Variants in ERBB4 observed in about 807,000 individuals in gnomAD.
The protein encoded by ERBB4 is erb-b2 receptor tyrosine kinase 4.
Under a neutral mutation model 158.0 loss-of-function variants are expected in ERBB4, and 42 were observed. The observed-to-expected ratio is 0.27, with a 90% confidence interval of 0.21 to 0.34. The LOEUF is 0.34. ERBB4 is among the 10% of genes least tolerant of loss of function. The pLI, the probability that ERBB4 is intolerant of heterozygous loss-of-function variation, is 1.00. For synonymous variants in ERBB4, 583 were observed against 558.7 expected, an observed-to-expected ratio of 1.04 and a Z score of -0.61; for missense variants, 1,333 against 1,624.1, an observed-to-expected ratio of 0.82 and a Z score of 3.08.
intron 2 of ERBB4, among the ~76,000 whole-genome samples, chr2:212,029,598 A>T (rs1240285728): frequency 1.3e-5 from 2 of 152,188 alleles, no homozygotes; most frequent in Non-Finnish European, 2.9e-5. Context: ...TAAGTTCTGA[A>T]TATTCATGAC....
chr2:211,815,207 G>GT (rs1217166383), intron 3 of ERBB4, among the ~76,000 whole-genome samples: 3 of 152,108 alleles, frequency 2.0e-5, no homozygotes, highest in Non-Finnish European at 4.4e-5. Context: ...AACTCATAGG[G>GT]TTATTATGAC....
chr2:212,193,038 A>G lies in ERBB4; in HGVS notation c.83-68135T>C, dbSNP rs1474506335. On this transcript the variant is annotated intron_variant, in intron 1 of 27. Transcript: ENST00000342788. Reference sequence around the variant, plus strand: ...AAAATTACAATTAACGGCAGGAAAAATGTTGGAAATCTATTTTACCATGTA... The same window carrying G: ...AAAATTACAATTAACGGCAGGAAAAGTGTTGGAAATCTATTTTACCATGTA... Among the ~76,000 whole-genome samples, 5 of 152,164 alleles carry G rather than the reference A, an allele frequency of 3.3e-5. No homozygotes were observed. The East Asian group carries it at 9.6e-4, about 29-fold the overall frequency.
chr2:211,737,759 C>T (rs1231965704), intron 5 of ERBB4, among the ~76,000 whole-genome samples: 3 of 151,986 alleles, frequency 2.0e-5, no homozygotes, highest in Admixed American at 6.6e-5. Context: ...TAAATATTGG[C>T]TCTTGGTATT....
chr2:211,987,340 A>AAAAAAAG (rs1297515921), intron 2 of ERBB4, among the ~76,000 whole-genome samples: 3 of 145,328 alleles, frequency 2.1e-5, no homozygotes, highest in Non-Finnish European at 4.5e-5. Flanking sequence ...CAAAAAAAAA[A>AAAAAAAG]AAAAGAAAGA....
At position 211,800,892 on chromosome 2, in the gene ERBB4, G is replaced by A. The variant is rs533629277; in HGVS notation, c.422-12733C>T. ...AGAAAGCCAATTTTATTATTGTCAA[G>A]TACTGTGGGAACTCTATGCTTAGTG... On this transcript the variant is annotated intron_variant, in intron 3 of 27. Coordinates refer to ENST00000342788, the MANE Select transcript of ERBB4 (RefSeq NM_005235.3). 3.9e-5 allele frequency among the ~76,000 whole-genome samples: 6 copies of A among 152,244 alleles called. No individual in the cohort carries two copies. The East Asian group carries it at 9.7e-4, about 25-fold the overall frequency.
At chr2:211,976,678 C>T (rs185863251) in intron 2 of ERBB4, among the ~76,000 whole-genome samples, 89 of 151,836 alleles carry the variant, frequency 5.9e-4, no homozygotes, top group Admixed American at 4.9e-3. Flanking sequence ...ATTTATTTTT[C>T]ATCTTGTCAA....
At chr2:212,338,202 G>C (rs1207171023) in intron 1 of ERBB4, among the ~76,000 whole-genome samples, 1 of 152,054 alleles carries the variant, frequency 6.6e-6, no homozygotes, top group African/African-American at 2.4e-5. Flanking sequence ...TGTCACTGCT[G>C]TGCTTTACTA....
At chr2:211,610,009 C>A (rs922346811) in intron 19 of ERBB4, among the ~76,000 whole-genome samples, 8 of 152,016 alleles carry the variant, frequency 5.3e-5, no homozygotes, top group African/African-American at 1.9e-4. Context: ...TCTAAGCTAT[C>A]CTTGTAAAGT....
intron 20 of ERBB4, among the ~76,000 whole-genome samples, chr2:211,518,077 C>T (rs1385164284): frequency 6.6e-6 from 1 of 151,742 alleles, no homozygotes; most frequent in Non-Finnish European, 1.5e-5. Context: ...TCATATTCCT[C>T]ATATTTATGT....
chr2:211,482,859 C>A (rs563143597), intron 20 of ERBB4, among the ~76,000 whole-genome samples: 8 of 152,100 alleles, frequency 5.3e-5, no homozygotes, highest in African/African-American at 1.9e-4. Context: ...GAGCCAAGAT[C>A]GCACTATTGC....
intron 1 of ERBB4, among the ~76,000 whole-genome samples, chr2:212,284,320 T>G (rs1453211827): frequency 1.3e-5 from 2 of 152,140 alleles, no homozygotes; most frequent in Non-Finnish European, 2.9e-5. Flanking sequence ...AGCCTGCCTC[T>G]GAACTCTGTC....
At chr2:211,613,696 C>A (rs927398429) in intron 19 of ERBB4, among the ~76,000 whole-genome samples, 4 of 152,064 alleles carry the variant, frequency 2.6e-5, no homozygotes, top group Admixed American at 6.6e-5. Context: ...CAGAGAGCTG[C>A]AAATCAAAAC....
chr2:211,582,870 T>A (rs1329127970), intron 19 of ERBB4, among the ~76,000 whole-genome samples: 1 of 152,162 alleles, frequency 6.6e-6, no homozygotes, highest in Non-Finnish European at 1.5e-5. Context: ...TCCAAACCAA[T>A]TTCAGTGATT....
intron 3 of ERBB4, among the ~76,000 whole-genome samples, chr2:211,856,291 C>A (rs1029856274): frequency 6.6e-6 from 1 of 152,176 alleles, no homozygotes; most frequent in African/African-American, 2.4e-5. Flanking sequence ...TAGGCAATTA[C>A]AGCCCAGAGC....
chr2:212,125,869 G>T (rs964186169), intron 1 of ERBB4, among the ~76,000 whole-genome samples: 22 of 152,196 alleles, frequency 1.4e-4, no homozygotes, highest in Non-Finnish European at 2.8e-4. Flanking sequence ...GAATAGTGCT[G>T]CAGTGAGCAT....
intron 19 of ERBB4, among the ~76,000 whole-genome samples, 187 bp from the exon 20 acceptor site, chr2:211,562,275 AAAC>A (rs2067417569): frequency 6.6e-6 from 1 of 152,220 alleles, no homozygotes; most frequent in South Asian, 2.1e-4. Flanking sequence ...AAAATTAAAT[AAAC>A]AACAAAGTCT....
intron 1 of ERBB4, among the ~76,000 whole-genome samples, chr2:212,467,056 T>C (rs1444315794): frequency 6.6e-6 from 1 of 152,174 alleles, no homozygotes; most frequent in African/African-American, 2.4e-5. Flanking sequence ...ATAAATGATT[T>C]AGGGTATCTG....
chr2:211,638,160 T>A (rs545817851), intron 16 of ERBB4, among the ~76,000 whole-genome samples: 7 of 151,640 alleles, frequency 4.6e-5, no homozygotes, highest in Admixed American at 3.9e-4. Flanking sequence ...TTAAAATGGT[T>A]TTCTTTTTTT....
chr2:212,075,474 A>C (rs1466224736), intron 2 of ERBB4, among the ~76,000 whole-genome samples: 1 of 151,990 alleles, frequency 6.6e-6, no homozygotes, highest in African/African-American at 2.4e-5. Context: ...TGGCTGGGTC[A>C]CCTGAAGTAA....
Sources: allele counts gnomAD v4.1 joint callset (sites outside exome capture counted in the v4.1 genomes callset), GRCh38; gene constraint gnomAD v4.1.1; transcripts MANE v1.5; gene names NCBI Gene and HGNC (gene_info 2026-07-23, HGNC 2026-07-21).